The following PLD1 variants were observed in gnomAD, a reference collection of about 807,000 sequenced individuals.
PLD1 encodes the protein phospholipase D1, also known as choline phosphatase 1.
Under a neutral mutation model 137.1 loss-of-function variants are expected in PLD1, and 112 were observed. The ratio of observed to expected loss-of-function variants is 0.82; its 90% CI spans 0.70 to 0.96. The LOEUF (loss-of-function observed/expected upper bound fraction) is 0.96, where lower values mean the gene tolerates loss of function less well. Ranked by LOEUF, PLD1 falls within the 40% of genes least tolerant of loss-of-function variation. PLD1 has a pLI of 0.00. For synonymous variants in PLD1, 431 were observed against 454.7 expected (o/e 0.95, Z 0.66); for missense variants, 1,321 against 1,342.0 (o/e 0.98, Z 0.24).
chr3:171,789,942 C>T (rs927430043), intron 1 of PLD1: 43 of 152,330 alleles, frequency 2.8e-4, no homozygotes, highest in African/African-American at 9.9e-4. Context: ...CACGTAGGGT[C>T]AAAGGATATT....
chr3:171,729,030 A>C (rs1718738766), intron 6 of PLD1, among the ~76,000 whole-genome samples: 1 of 152,204 alleles, frequency 6.6e-6, no homozygotes, highest in Non-Finnish European at 1.5e-5. Flanking sequence ...ACTAATAAAA[A>C]TTGAAATTTA....
At chr3:171,637,380 T>C (rs1477334635) in intron 23 of PLD1, among the ~76,000 whole-genome samples, 1 of 151,218 alleles carries the variant, frequency 6.6e-6, no homozygotes, top group Non-Finnish European at 1.5e-5. Flanking sequence ...GGACTACAGG[T>C]GCATGCCACC....
At position 171,612,645 on chromosome 3, in the gene PLD1, G is replaced by C. The variant is rs573749365; in HGVS notation, c.2729-213C>G. 4.3e-4 allele frequency among the ~76,000 whole-genome samples: 66 copies of C among 152,236 alleles called. No homozygotes were observed. Among genetic ancestry groups the C allele is most frequent in the African/African-American group, 1.5e-3 (64 of 41,528 alleles). The stretch of plus-strand genomic sequence containing the variant: ...CATGGTAATTTCATTATTTTTATTA[G>C]TGACTGGCTTAGAAATGGGCTCTTG... On this transcript the variant is annotated intron_variant, in intron 24 of 26. Transcript: ENST00000351298. The surrounding 1 kb of genome is among the most constrained non-coding windows in gnomAD (Gnocchi z 4.1).
chr3:171,643,045 G>T, intron 22 of PLD1, 156 bp from the exon 23 acceptor site: 1 of 551,456 alleles, frequency 1.8e-6, no homozygotes. Flanking sequence ...ACAGTTACAT[G>T]AATATCACTT....
chr3:171,698,371 T>A (rs981790360), intron 12 of PLD1, among the ~76,000 whole-genome samples: 1 of 152,246 alleles, frequency 6.6e-6, no homozygotes, highest in Non-Finnish European at 1.5e-5. Flanking sequence ...CAAACTAGAC[T>A]ATCCATCAAA....
At chr3:171,734,283 C>A (rs892757524) in intron 5 of PLD1, among the ~76,000 whole-genome samples, 1 of 152,168 alleles carries the variant, frequency 6.6e-6, no homozygotes, top group African/African-American at 2.4e-5. Flanking sequence ...CAAAACAGAA[C>A]TGACAGAAAT....
chr3:171,787,110 A>G (rs1723038407), intron 1 of PLD1, among the ~76,000 whole-genome samples: 2 of 152,164 alleles, frequency 1.3e-5, no homozygotes, highest in African/African-American at 2.4e-5. Flanking sequence ...TCAACCAAAC[A>G]TGGTCCCTGC....
At chr3:171,750,464 G>A (rs1177117450) in intron 1 of PLD1, among the ~76,000 whole-genome samples, 1 of 147,874 alleles carries the variant, frequency 6.8e-6, no homozygotes, top group Non-Finnish European at 1.5e-5. Flanking sequence ...AGAAAATGGG[G>A]CAGAAAAAAA....
intron 1 of PLD1, among the ~76,000 whole-genome samples, chr3:171,745,674 G>A (rs1415246933): frequency 2.6e-5 from 4 of 152,240 alleles, no homozygotes; most frequent in Middle Eastern, 3.2e-3. Flanking sequence ...CATCAGGGGG[G>A]TAAGAGGAGT....
At chr3:171,657,039 AG>A (rs1737268780) in intron 21 of PLD1, among the ~76,000 whole-genome samples, 1 of 152,206 alleles carries the variant, frequency 6.6e-6, no homozygotes, top group African/African-American at 2.4e-5. Flanking sequence ...TGTGAGGGGA[AG>A]CATTGGGTTG....
chr3:171,767,458 G>A lies in PLD1; in HGVS notation c.-31-29376C>T, dbSNP rs148181351. Among the ~76,000 whole-genome samples the A allele has an allele frequency of 3.8e-4, 58 of 152,322 alleles. 1 individual carries two copies. The East Asian group carries it at 0.011, about 29-fold the overall frequency. ...CTTCTAAATGAAGAGCAGCACAGAT[G>A]TCAGTATCTACATGGTTGTTTCTCA... is the stretch of plus-strand genomic sequence containing the variant. On this transcript the variant is annotated intron_variant, in intron 1 of 26. Coordinates refer to ENST00000351298, the MANE Select transcript of PLD1 (RefSeq NM_002662.5).
At position 171,676,775 on chromosome 3, in the gene PLD1, G is replaced by T. The variant is rs758088838; in HGVS notation, c.2055C>A (p.Val685=). The change falls in exon 18 of 27, where the codon GTC becomes GTA. Residue 685 remains valine (V), a synonymous_variant. Transcript: ENST00000351298. ...CCACATCACGAGCCGCCTTCCCGTG[G>T]ACTGCAGAGGCAATGTCATGCCAGG... ...RMPWHDIASA[V]HGKAARDVAR... is the part of the protein sequence containing the mutation. 1 of 1,614,198 alleles carries T rather than the reference G, an allele frequency of 6.2e-7. No individual in the cohort carries two copies. The highest frequency in any genetic ancestry group is 8.5e-7 in the Non-Finnish European group (1 of 1,180,032).
At chr3:171,633,891 T>C (rs1734892578) in intron 23 of PLD1, among the ~76,000 whole-genome samples, 1 of 152,304 alleles carries the variant, frequency 6.6e-6, no homozygotes, top group African/African-American at 2.4e-5. Flanking sequence ...GACTGGTATA[T>C]CAGATAATTA....
chr3:171,682,522 T>C (rs1166369285), intron 16 of PLD1, among the ~76,000 whole-genome samples: 1 of 152,248 alleles, frequency 6.6e-6, no homozygotes, highest in Non-Finnish European at 1.5e-5. Flanking sequence ...CTCAAGTTCA[T>C]ATTCAGTTTT....
chr3:171,620,451 A>G lies in PLD1; in HGVS notation c.2663T>C (p.Leu888Pro). 1 of 1,599,152 alleles carries G rather than the reference A, an allele frequency of 6.3e-7. No homozygotes were observed. The highest frequency in any genetic ancestry group is 1.7e-4 in the Middle Eastern group (1 of 5,978). ...LRTHAELEGN[L>P]VTELIYVHSK... ...GTGGACATAGATAAGCTCAGTTACT[A>G]GGTTTCCTTCGAGCTCTGCATGTGT... Residue 888 changes from leucine (L) to proline (P), a missense_variant, in exon 24 of 27, where the codon CTA (leucine) becomes CCA (proline). By Grantham distance (98) the Leu-to-Pro change is moderately conservative. Transcript: ENST00000351298.
intron 23 of PLD1, among the ~76,000 whole-genome samples, chr3:171,629,318 C>T (rs1734443129): frequency 6.6e-6 from 1 of 151,646 alleles, no homozygotes; most frequent in Non-Finnish European, 1.5e-5. Context: ...ACGTGAAGGA[C>T]CTCTTCAAGG....
At position 171,601,000 on chromosome 3, in the gene PLD1, T is replaced by C. The variant is rs1053485373; in HGVS notation, c.*2078A>G. ...TAGTAGGGGGAGACAGACAAACACA[T>C]AAATACAAAATATCAGAGGGTTCAA... is the stretch of plus-strand genomic sequence containing the variant. On this transcript the variant is annotated 3_prime_UTR_variant, in exon 27 of 27. Coordinates refer to ENST00000351298, the MANE Select transcript of PLD1 (RefSeq NM_002662.5). 2.0e-5 allele frequency: 3 copies of C among 152,136 alleles called. No individual in the cohort carries two copies. The highest frequency in any genetic ancestry group is 4.4e-5 in the Non-Finnish European group (3 of 68,020). The allele number at this position is 152,136 out of a possible 1,614,324, so 9.4% of individuals were successfully genotyped here.
chr3:171,764,265 C>T (rs921031057), intron 1 of PLD1, among the ~76,000 whole-genome samples: 16 of 152,158 alleles, frequency 1.1e-4, no homozygotes, highest in African/African-American at 3.6e-4. Flanking sequence ...TGAGCCACTG[C>T]GCCTGGTCTA....
chr3:171,790,167 G>A (rs1379939302), intron 1 of PLD1, among the ~76,000 whole-genome samples: 4 of 152,208 alleles, frequency 2.6e-5, no homozygotes, highest in African/African-American at 9.6e-5. Flanking sequence ...TCCTTTAAAA[G>A]AGGGCTTAGG....
Sources: allele counts gnomAD v4.1 joint callset (sites outside exome capture counted in the v4.1 genomes callset), GRCh38; gene constraint gnomAD v4.1.1; non-coding constraint Gnocchi (gnomAD v3.1); transcripts MANE v1.5; gene names NCBI Gene and HGNC (gene_info 2026-07-23, HGNC 2026-07-21).